The following RALYL variants were observed in gnomAD, a reference collection of about 807,000 sequenced individuals.
RALYL encodes RNA-binding Raly-like protein.
A neutral mutation model predicts 35.1 loss-of-function variants in RALYL; 29 were observed. That is an observed-to-expected ratio of 0.83 (90% CI 0.61 to 1.13). RALYL has a LOEUF of 1.13. Among genes scored for constraint, RALYL ranks in the 50% most tolerant of loss-of-function variants. The pLI is 0.00. For missense variants in RALYL, 359 were observed against 360.4 expected (o/e 1.00, Z 0.03); for synonymous variants, 120 against 127.6 (o/e 0.94, Z 0.40).
At chr8:84,300,531 G>T (rs1840573936) in intron 1 of RALYL, among the ~76,000 whole-genome samples, 1 of 151,950 alleles carries the variant, frequency 6.6e-6, no homozygotes, top group Non-Finnish European at 1.5e-5. Context: ...AATACTGTTA[G>T]TAGGGTGTTG....
chr8:84,741,057 A>T (rs1447587797), intron 2 of RALYL, among the ~76,000 whole-genome samples: 1 of 151,988 alleles, frequency 6.6e-6, no homozygotes, highest in African/African-American at 2.4e-5. Flanking sequence ...GCCAGAAGAA[A>T]AGGAGTTATG....
chr8:84,850,903 A>G (rs1835726592), intron 5 of RALYL, among the ~76,000 whole-genome samples: 1 of 152,186 alleles, frequency 6.6e-6, no homozygotes, highest in African/African-American at 2.4e-5. Context: ...TATACGTTTC[A>G]TCACATCACA....
chr8:84,786,848 T>C (rs2133799879), intron 3 of RALYL, among the ~76,000 whole-genome samples: 1 of 152,308 alleles, frequency 6.6e-6, no homozygotes, highest in South Asian at 2.1e-4. Flanking sequence ...AACCCATTTG[T>C]CAATTTTGGC....
Position 84,529,624 on chromosome 8 carries a change from G to A in RALYL, c.256+47G>A, listed in dbSNP as rs768410444. The A allele has an allele frequency of 5.2e-6, 8 of 1,542,634 alleles. No individual in the cohort carries two copies. The African/African-American group carries it at 6.8e-5, about 13-fold the overall frequency. ...ATCTCACGTTATTGTTCATATATCT[G>A]GAAATTGTTTTATTTCACAAAACCC... is the stretch of plus-strand genomic sequence containing the variant. On this transcript the variant is annotated intron_variant, in intron 2 of 8. Coordinates refer to ENST00000521268, the MANE Select transcript of RALYL (RefSeq NM_173848.7).
chr8:84,301,264 G>T lies in RALYL; in HGVS notation c.-24+116840G>T, dbSNP rs574204024. Among the ~76,000 whole-genome samples, 19 of 152,008 alleles carry T rather than the reference G, an allele frequency of 1.2e-4. 2 individuals carry two copies. Among genetic ancestry groups the T allele is most frequent in the African/African-American group, 4.6e-4 (19 of 41,508 alleles). On this transcript the variant is annotated intron_variant, in intron 1 of 8. Coordinates refer to ENST00000521268, the MANE Select transcript of RALYL (RefSeq NM_173848.7). ...TGAAAGGTCGACTGTTGGCCCAATG[G>T]GGTTCCCTTTGTAGGTGACCTGACC...
intron 1 of RALYL, among the ~76,000 whole-genome samples, chr8:84,356,611 C>A (rs944400879): frequency 6.7e-6 from 1 of 150,010 alleles, no homozygotes; most frequent in Non-Finnish European, 1.5e-5. Context: ...ATAGGTCTAC[C>A]CAGCCATGGC....
At chr8:84,422,853 G>A (rs1416326698) in intron 1 of RALYL, among the ~76,000 whole-genome samples, 2 of 149,272 alleles carry the variant, frequency 1.3e-5, no homozygotes, top group Non-Finnish European at 3.0e-5. Context: ...ATGTAGTTGA[G>A]CGGCTTTGAG....
At chr8:84,866,369 G>C (rs969829697) in intron 6 of RALYL, among the ~76,000 whole-genome samples, 1 of 152,072 alleles carries the variant, frequency 6.6e-6, no homozygotes, top group Non-Finnish European at 1.5e-5. Context: ...ATAATATACT[G>C]TGTATCCAAT....
intron 1 of RALYL, among the ~76,000 whole-genome samples, chr8:84,431,102 T>C (rs2047091193): frequency 6.6e-6 from 1 of 152,166 alleles, no homozygotes; most frequent in African/African-American, 2.4e-5. Context: ...AGCCAGCTTG[T>C]CCTGAGTACT....
intron 1 of RALYL, among the ~76,000 whole-genome samples, chr8:84,254,718 A>C (rs1290813451): frequency 2.0e-5 from 3 of 148,746 alleles, no homozygotes; most frequent in East Asian, 4.0e-4. Flanking sequence ...CACTGCTATA[A>C]AGAACTACCC....
intron 1 of RALYL, among the ~76,000 whole-genome samples, chr8:84,337,971 A>G (rs899896905): frequency 6.6e-6 from 1 of 152,108 alleles, no homozygotes; most frequent in Non-Finnish European, 1.5e-5. Flanking sequence ...CTATCCATTC[A>G]TAATTCTTAC....
At chr8:84,488,624 G>C (rs1347998306) in intron 1 of RALYL, among the ~76,000 whole-genome samples, 1 of 151,338 alleles carries the variant, frequency 6.6e-6, no homozygotes, top group East Asian at 2.0e-4. Flanking sequence ...ACTGTGTAGA[G>C]CAGATGTTAG....
chr8:84,635,457 C>T (rs1267589146), intron 2 of RALYL, among the ~76,000 whole-genome samples: 1 of 151,420 alleles, frequency 6.6e-6, no homozygotes, highest in East Asian at 1.9e-4. Flanking sequence ...GGACAAAAAC[C>T]TCTTTTAAAA....
chr8:84,778,380 T>C (rs373227050), intron 3 of RALYL, among the ~76,000 whole-genome samples: 1 of 152,048 alleles, frequency 6.6e-6, no homozygotes, highest in African/African-American at 2.4e-5. Flanking sequence ...TAAGGCCTTA[T>C]TATGTGCTAA....
At chr8:84,742,791 T>A (rs566566129) in intron 2 of RALYL, among the ~76,000 whole-genome samples, 1 of 152,188 alleles carries the variant, frequency 6.6e-6, no homozygotes, top group African/African-American at 2.4e-5. Flanking sequence ...AGAAACAGGC[T>A]GTCCTTCAAG....
chr8:84,241,964 C>T (rs1828017134), intron 1 of RALYL, among the ~76,000 whole-genome samples: 1 of 152,124 alleles, frequency 6.6e-6, no homozygotes, highest in East Asian at 1.9e-4. Flanking sequence ...ACATTAAGCC[C>T]AGCATCTACT....
chr8:84,442,123 A>C (rs2048390079), intron 1 of RALYL, among the ~76,000 whole-genome samples: 1 of 152,106 alleles, frequency 6.6e-6, no homozygotes, highest in African/African-American at 2.4e-5. Context: ...AACCATGGAA[A>C]TGCATTTGGG....
At chr8:84,339,776 G>T (rs1357157581) in intron 1 of RALYL, among the ~76,000 whole-genome samples, 1 of 151,900 alleles carries the variant, frequency 6.6e-6, no homozygotes, top group African/African-American at 2.4e-5. Flanking sequence ...AGCTGAAATC[G>T]ACCTATGCCT....
At chr8:84,881,112 T>C (rs1362541745) in intron 7 of RALYL, among the ~76,000 whole-genome samples, 1 of 151,984 alleles carries the variant, frequency 6.6e-6, no homozygotes, top group African/African-American at 2.4e-5. Flanking sequence ...TGAACAACTT[T>C]GAAGCCATTT....
Sources: gnomAD v4.1 joint callset for allele counts (sites outside exome capture counted in the v4.1 genomes callset) on GRCh38, gnomAD v4.1.1 for gene constraint, MANE v1.5 for transcripts, NCBI Gene and HGNC (gene_info 2026-07-23, HGNC 2026-07-21) for gene names.